NTM: variants seen among roughly 807,000 people sequenced by gnomAD.
NTM encodes the protein neurotrimin.
Under a neutral mutation model 42.1 loss-of-function variants are expected in NTM, and 13 were observed. The observed-to-expected ratio is 0.31, with a 90% confidence interval of 0.20 to 0.49. NTM has a LOEUF of 0.49. NTM is among the 20% of genes least tolerant of loss of function. The pLI is 0.99. For missense variants in NTM, 373 were observed against 452.8 expected (o/e 0.82, Z 1.60); for synonymous variants, 187 against 179.2 (o/e 1.04, Z -0.35).
At chr11:131,685,626 C>T (rs950714603) in intron 1 of NTM, among the ~76,000 whole-genome samples, 3 of 152,100 alleles carry the variant, frequency 2.0e-5, no homozygotes, top group Non-Finnish European at 4.4e-5. Flanking sequence ...CAGAAATGCC[C>T]GCCAATCGCC....
At chr11:131,528,657 A>G (rs1342829563) in intron 1 of NTM, among the ~76,000 whole-genome samples, 2 of 152,190 alleles carry the variant, frequency 1.3e-5, no homozygotes, top group Non-Finnish European at 2.9e-5. Context: ...TCTCCTCGAA[A>G]TAATTGAGCT....
chr11:132,241,086 A>G (rs940990412), intron 4 of NTM, among the ~76,000 whole-genome samples: 2 of 152,240 alleles, frequency 1.3e-5, no homozygotes, highest in Non-Finnish European at 2.9e-5. Context: ...TATATGAAAC[A>G]TAAGTGAATT....
intron 1 of NTM, chr11:131,582,467 G>C (rs1310383236): frequency 6.6e-6 from 1 of 152,044 alleles, no homozygotes; most frequent in Non-Finnish European, 1.5e-5. Flanking sequence ...AGTTAACTTA[G>C]TAGTTAAACT....
At chr11:131,746,308 G>T (rs1291828185) in intron 1 of NTM, among the ~76,000 whole-genome samples, 1 of 152,118 alleles carries the variant, frequency 6.6e-6, no homozygotes, top group African/African-American at 2.4e-5. Flanking sequence ...ACATGCTGGC[G>T]GGATTTGGAC....
At chr11:131,593,804 GT>G (rs2059590210) in intron 1 of NTM, among the ~76,000 whole-genome samples, 1 of 152,206 alleles carries the variant, frequency 6.6e-6, no homozygotes, top group Admixed American at 6.5e-5. Context: ...GGACATATCA[GT>G]TTCTGCACTT....
At chr11:132,296,567 G>A (rs1034262743) in intron 4 of NTM, among the ~76,000 whole-genome samples, 1 of 152,102 alleles carries the variant, frequency 6.6e-6, no homozygotes, top group East Asian at 1.9e-4. Flanking sequence ...TTTCCTCAAG[G>A]CTACCAGTTC....
intron 1 of NTM, among the ~76,000 whole-genome samples, chr11:131,751,743 A>T (rs1428585402): frequency 6.6e-6 from 1 of 151,974 alleles, no homozygotes; most frequent in Non-Finnish European, 1.5e-5. Flanking sequence ...CTGCTGACAG[A>T]GCAAGATTCC....
At chr11:132,105,260 A>G (rs941453891) in intron 2 of NTM, among the ~76,000 whole-genome samples, 2 of 151,840 alleles carry the variant, frequency 1.3e-5, no homozygotes, top group Admixed American at 6.6e-5. Flanking sequence ...TCCTGAAACC[A>G]TGCCCCGTAT....
intron 1 of NTM, among the ~76,000 whole-genome samples, chr11:131,855,179 C>T (rs7123245): frequency 0.01 from 1,576 of 152,116 alleles, 14 homozygotes; most frequent in African/African-American, 0.033. Flanking sequence ...ACAATTTAAG[C>T]GGAGGACTTT....
intron 2 of NTM, among the ~76,000 whole-genome samples, chr11:132,107,923 A>C (rs1183811831): frequency 6.6e-6 from 1 of 152,120 alleles, no homozygotes; most frequent in African/African-American, 2.4e-5. Context: ...TCATAAATTG[A>C]TATCTTTGCT....
intron 2 of NTM, among the ~76,000 whole-genome samples, chr11:132,102,258 A>G (rs1408567447): frequency 6.6e-6 from 1 of 152,178 alleles, no homozygotes; most frequent in Non-Finnish European, 1.5e-5. Flanking sequence ...TTTTTTATGC[A>G]TCTCTATCCT....
At chr11:131,792,269 A>G (rs1482668454) in intron 1 of NTM, among the ~76,000 whole-genome samples, 4 of 152,254 alleles carry the variant, frequency 2.6e-5, no homozygotes, top group African/African-American at 9.6e-5. Flanking sequence ...CAAATGCAAA[A>G]GAAACAAACA....
rs992206378 is a variant in NTM, at chr11:131,910,649, C to T, written c.83-915C>T. On this transcript the variant is annotated intron_variant, in intron 1 of 8. Transcript: ENST00000683400. ...CCCGGGAGGAAGGCGGCGCGGAGGC[C>T]GGGGGCGGCCGCTGAGCTTGGCGTC... 1.1e-4 allele frequency among the ~76,000 whole-genome samples: 16 copies of T among 150,240 alleles called. No homozygotes were observed. The East Asian group carries it at 1.9e-3, about 18-fold the overall frequency.
intron 1 of NTM, among the ~76,000 whole-genome samples, chr11:131,664,723 G>A (rs1003808681): frequency 4.7e-5 from 7 of 148,842 alleles, no homozygotes; most frequent in African/African-American, 1.7e-4. Context: ...AATGCCGTGA[G>A]TCAGAAGGGG....
In NTM at chr11:131,805,358, T is replaced by C. The variant is rs2092421313; in HGVS notation, c.83-106206T>C. Among the ~76,000 whole-genome samples the C allele has an allele frequency of 2.6e-5, 4 of 152,174 alleles. No individual in the cohort carries two copies. In the South Asian group the frequency reaches 8.3e-4, roughly 31 times the overall value. ...GAATTCTACCCATCCTAAACAAAGC[T>C]CAGCGTACATATCTTTTCCCACAAG... On this transcript the variant is annotated intron_variant, in intron 1 of 8. Transcript: ENST00000683400.
At position 132,013,102 on chromosome 11, in the gene NTM, A is replaced by G. The variant is rs190726436; in HGVS notation, c.167+101454A>G. Among the ~76,000 whole-genome samples, 5 of 151,632 alleles carry G rather than the reference A, an allele frequency of 3.3e-5. No homozygotes were observed. In the East Asian group the frequency reaches 5.8e-4, roughly 18 times the overall value. On this transcript the variant is annotated intron_variant, in intron 2 of 8. Transcript: ENST00000683400. ...GATAACCAATTTTCGAATCACTGAC[A>G]TGTAGTAAAGGAAGATTTTCACAAG...
At chr11:131,778,087 A>G (rs1213164175) in intron 1 of NTM, among the ~76,000 whole-genome samples, 6 of 152,232 alleles carry the variant, frequency 3.9e-5, no homozygotes, top group African/African-American at 1.2e-4. Flanking sequence ...TCAGAAGTTT[A>G]ACCCCACTCA....
chr11:132,043,533 A>T (rs144631279), intron 2 of NTM, among the ~76,000 whole-genome samples: 77 of 151,616 alleles, frequency 5.1e-4, no homozygotes, highest in African/African-American at 1.8e-3. Flanking sequence ...TTGGCCCCAC[A>T]TGGAGCCACA....
chr11:131,650,287 C>T (rs2134327381), intron 1 of NTM, among the ~76,000 whole-genome samples: 1 of 152,326 alleles, frequency 6.6e-6, no homozygotes, highest in Non-Finnish European at 1.5e-5. Context: ...TTGGGGGGTA[C>T]ATCCTCACAG....
Sources: gnomAD v4.1 joint callset for allele counts (sites outside exome capture counted in the v4.1 genomes callset) on GRCh38, gnomAD v4.1.1 for gene constraint, MANE v1.5 for transcripts, NCBI Gene and HGNC (gene_info 2026-07-23, HGNC 2026-07-21) for gene names.